Variants in CHRNA9 observed in about 807,000 individuals in gnomAD.
CHRNA9 encodes cholinergic receptor nicotinic alpha 9 subunit.
A neutral mutation model predicts 36.8 loss-of-function variants in CHRNA9; 24 were observed. That is an observed-to-expected ratio of 0.65 (90% CI 0.47 to 0.92). The LOEUF (loss-of-function observed/expected upper bound fraction) is 0.92. CHRNA9 is among the 40% of genes least tolerant of loss of function. The pLI, the probability that CHRNA9 is intolerant of heterozygous loss-of-function variation, is 0.00. For missense variants in CHRNA9, 610 were observed against 601.2 expected, an observed-to-expected ratio of 1.01 and a Z score of -0.15; for synonymous variants, 231 against 231.8, an observed-to-expected ratio of 1.00 and a Z score of 0.03.
chr4:40,353,207 A>T (rs912708984), intron 4 of CHRNA9, among the ~76,000 whole-genome samples: 9 of 152,294 alleles, frequency 5.9e-5, no homozygotes, highest in East Asian at 5.8e-4. Context: ...AGTCTATACT[A>T]TAGCCCGGCG....
At position 40,354,119 on chromosome 4, in the gene CHRNA9, A is replaced by G; in HGVS notation, c.1039A>G (p.Arg347Gly). The G allele has an allele frequency of 6.2e-7, 1 of 1,614,184 alleles. No individual in the cohort carries two copies. Among genetic ancestry groups the G allele is most frequent in the African/African-American group, 1.3e-5 (1 of 75,058 alleles). The change falls in exon 5 of 5, where the codon AGG becomes GGG. Residue 347 changes from arginine (R) to glycine (G), a missense_variant. Transcript: ENST00000310169. ...ARVVILKYMS[R>G]VLFVYDVGES... ...GGTGGTCATCCTGAAATACATGTCC[A>G]GGGTCTTGTTTGTCTATGATGTGGG...
Position 40,349,299 on chromosome 4 carries a change from C to T in CHRNA9, c.783C>T (p.Leu261=). The change falls in exon 4 of 5, where the codon CTC becomes CTT. Residue 261 remains leucine, a synonymous_variant. Coordinates refer to ENST00000310169, the MANE Select transcript of CHRNA9 (RefSeq NM_017581.4). ...TTCTGGCTCCTCTGAGTTTTTATCT[C>T]CCAGCAGCCTCCGGAGAAAAGGTCT... The part of the protein sequence containing the change: ...ISFLAPLSFY[L]PAASGEKVSL... 6.2e-7 allele frequency: 1 copy of T among 1,614,148 alleles called. No homozygotes were observed. Among genetic ancestry groups the T allele is most frequent in the Non-Finnish European group, 8.5e-7 (1 of 1,180,014 alleles).
rs767732495 is a variant in CHRNA9, at chr4:40,353,998, G to A, written c.918G>A (p.Thr306=). ...TTCCAGGTAAATACTACATAGCCAC[G>A]ATGGCCCTGATCACAGCCTCCACTG... ...VPLIGKYYIA[T]MALITASTAL... The change falls in exon 5 of 5, where the codon ACG becomes ACA. Residue 306 remains threonine (T), a synonymous_variant. Transcript: ENST00000310169. 9 of 1,606,488 alleles carry A rather than the reference G, an allele frequency of 5.6e-6. No individual in the cohort carries two copies. In the East Asian group the frequency reaches 8.9e-5, roughly 16 times the overall value.
intron 4 of CHRNA9, among the ~76,000 whole-genome samples, chr4:40,351,340 A>AAG (rs1553869950): frequency 6.6e-6 from 1 of 151,098 alleles, no homozygotes. Flanking sequence ...TCAAAAAAAA[A>AAG]AAATTGAAAA....
chr4:40,354,246 A>T lies in CHRNA9; in HGVS notation c.1166A>T (p.Asp389Val), dbSNP rs140958574. 4.3e-6 allele frequency: 7 copies of T among 1,614,068 alleles called. No homozygotes were observed. The highest frequency in any genetic ancestry group is 5.9e-6 in the Non-Finnish European group (7 of 1,180,036). ...AACCTGAAAGCAGCCAGGAACAAAGACCTTTCCAGAAAGAAGGACATGAAC... is the reference window on the plus strand; with the variant it reads ...AACCTGAAAGCAGCCAGGAACAAAGTCCTTTCCAGAAAGAAGGACATGAAC... ...ESNLKAARNK[D>V]LSRKKDMNKR... Residue 389 changes from aspartate to valine, a missense_variant, in exon 5 of 5, where the codon GAC becomes GTC. Transcript: ENST00000310169.
chr4:40,349,695 G>A (rs1215029306), intron 4 of CHRNA9: 1 of 339,960 alleles, frequency 2.9e-6, no homozygotes, highest in Non-Finnish European at 5.4e-6. Context: ...CAGATGCACA[G>A]CATCGGCATC....
In CHRNA9 at chr4:40,354,300, A is replaced by C; in HGVS notation, c.1220A>C (p.Gln407Pro). The change falls in exon 5 of 5, where the codon CAG becomes CCG. Residue 407 changes from glutamine to proline, a missense_variant. By Grantham distance (76) the Gln-to-Pro change is moderately conservative. Transcript: ENST00000310169. ...CGCTTAAAGAACGACCTGGGCTGCCAGGGTAAGAACCCTCAGGAGGCCGAG... is the reference window on the plus strand; with the variant it reads ...CGCTTAAAGAACGACCTGGGCTGCCCGGGTAAGAACCCTCAGGAGGCCGAG... Reference protein sequence around the residue: ...NKRLKNDLGCQGKNPQEAESY... With the variant: ...NKRLKNDLGCPGKNPQEAESY... 6.2e-7 allele frequency: 1 copy of C among 1,614,208 alleles called. No homozygotes were observed. Among genetic ancestry groups the C allele is most frequent in the Non-Finnish European group, 8.5e-7 (1 of 1,180,022 alleles).
rs567084091 is a variant in CHRNA9, at chr4:40,351,407, C to T, written c.898+1993C>T. On this transcript the variant is annotated intron_variant, in intron 4 of 4. Transcript: ENST00000310169. ...GCTAGGCTGGTCTTGAACTCCTGGGCTCAAGTGATCCTCCCACCTCAGCCT... is the reference window on the plus strand; with the variant it reads ...GCTAGGCTGGTCTTGAACTCCTGGGTTCAAGTGATCCTCCCACCTCAGCCT... Among the ~76,000 whole-genome samples, 4 of 151,882 alleles carry T rather than the reference C, an allele frequency of 2.6e-5. No individual in the cohort carries two copies. The East Asian group carries it at 7.8e-4, about 30-fold the overall frequency.
chr4:40,340,811 A>G (rs992819814), intron 3 of CHRNA9, among the ~76,000 whole-genome samples: 4 of 152,070 alleles, frequency 2.6e-5, no homozygotes, highest in African/African-American at 9.7e-5. Flanking sequence ...AGAACAGTTG[A>G]ATTTGCTGAT....
rs75897544 is a variant in CHRNA9, at chr4:40,341,439, G to C, written c.365+4075G>C. Among the ~76,000 whole-genome samples the C allele has an allele frequency of 4.0e-3, 605 of 152,216 alleles. 7 individuals carry two copies. Among genetic ancestry groups the C allele is most frequent in the African/African-American group, 0.014 (580 of 41,528 alleles). ...CTGGAGACAGGGAGCCTTCACTTCA[G>C]CTTCCAACTCGTCACAGACCAAGTC... On this transcript the variant is annotated intron_variant, in intron 3 of 4. Coordinates refer to ENST00000310169, the MANE Select transcript of CHRNA9 (RefSeq NM_017581.4).
chr4:40,335,712 G>T (rs1712296326), intron 1 of CHRNA9, 115 bp from the exon 2 acceptor site: 10 of 1,151,890 alleles, frequency 8.7e-6, no homozygotes, highest in Middle Eastern at 2.3e-4. Context: ...TCCACCCAAA[G>T]CTTGTCCCTC....
intron 3 of CHRNA9, among the ~76,000 whole-genome samples, chr4:40,346,238 G>A (rs1712635007): frequency 6.6e-6 from 1 of 152,216 alleles, no homozygotes; most frequent in Non-Finnish European, 1.5e-5. Flanking sequence ...TCGGCTGGAT[G>A]TGTGCCCTGA....
In CHRNA9 at chr4:40,349,231, T is replaced by C. The variant is rs56205779; in HGVS notation, c.715T>C (p.Phe239Leu). The change falls in exon 4 of 5, where the codon TTC (phenylalanine) becomes CTC (leucine). Residue 239 changes from phenylalanine to leucine, a missense_variant. Coordinates refer to ENST00000310169, the MANE Select transcript of CHRNA9 (RefSeq NM_017581.4). ...FTLLLKRRSS[F>L]YIVNLLIPCV... ...CCTCCTTCTGAAGAGGAGGTCCTCGTTCTATATCGTCAACCTCCTCATCCC... is the reference window on the plus strand; with the variant it reads ...CCTCCTTCTGAAGAGGAGGTCCTCGCTCTATATCGTCAACCTCCTCATCCC... 3 of 1,614,182 alleles carry C rather than the reference T, an allele frequency of 1.9e-6. No individual in the cohort carries two copies. The highest frequency in any genetic ancestry group is 2.5e-6 in the Non-Finnish European group (3 of 1,180,018).
intron 3 of CHRNA9, among the ~76,000 whole-genome samples, chr4:40,344,798 A>G (rs577548093): frequency 6.6e-6 from 1 of 152,322 alleles, no homozygotes; most frequent in African/African-American, 2.4e-5. Context: ...CAATCTAATA[A>G]GCTATATATG....
chr4:40,339,662 C>CAAAA (rs756343215), intron 3 of CHRNA9, among the ~76,000 whole-genome samples: 9,314 of 93,684 alleles, frequency 0.099, 908 homozygotes, highest in African/African-American at 0.27. Flanking sequence ...GACTCTATCT[C>CAAAA]AAAAAAAAAA....
chr4:40,349,699 C>T (rs867167659), intron 4 of CHRNA9: 14 of 332,582 alleles, frequency 4.2e-5, no homozygotes, highest in African/African-American at 2.1e-4. Flanking sequence ...TGCACAGCAT[C>T]GGCATCCCCT....
At position 40,349,156 on chromosome 4, in the gene CHRNA9, G is replaced by A. The variant is rs913825075; in HGVS notation, c.640G>A (p.Val214Met). 6.2e-7 allele frequency: 1 copy of A among 1,614,198 alleles called. No homozygotes were observed. Among genetic ancestry groups the A allele is most frequent in the East Asian group, 2.2e-5 (1 of 44,886 alleles). ...CCATGGCATGCCCGCTGTGAAGAAT[G>A]TGATCTCCTATGGCTGCTGCTCTGA... ...EVHGMPAVKN[V>M]ISYGCCSEPY... Residue 214 changes from valine (V) to methionine (M), a missense_variant, in exon 4 of 5, where the codon GTG (valine) becomes ATG (methionine). Coordinates refer to ENST00000310169, the MANE Select transcript of CHRNA9 (RefSeq NM_017581.4).
At position 40,354,540 on chromosome 4, in the gene CHRNA9, T is replaced by C. The variant is rs1490241730; in HGVS notation, c.*20T>C. The C allele has an allele frequency of 1.3e-6, 2 of 1,565,990 alleles. No homozygotes were observed. The highest frequency in any genetic ancestry group is 1.7e-5 in the Admixed American group (1 of 57,654). On this transcript the variant is annotated 3_prime_UTR_variant, in exon 5 of 5. Coordinates refer to ENST00000310169, the MANE Select transcript of CHRNA9 (RefSeq NM_017581.4). Reference sequence around the variant, plus strand: ...GATTAGTCACAGATATTGGCTTTGCTATCTGGGTAGAAATTAATACAATTC... The same window carrying C: ...GATTAGTCACAGATATTGGCTTTGCCATCTGGGTAGAAATTAATACAATTC...
At chr4:40,335,698 TCCATCCAC>T (rs1316921062) in intron 1 of CHRNA9, 121 bp from the exon 2 acceptor site, 3 of 1,054,378 alleles carry the variant, frequency 2.8e-6, no homozygotes, top group Non-Finnish European at 2.9e-6. Flanking sequence ...AAACAACTCA[TCCATCCAC>T]CCAAAGCTTG....
Sources: allele counts gnomAD v4.1 joint callset (sites outside exome capture counted in the v4.1 genomes callset), GRCh38; gene constraint gnomAD v4.1.1; transcripts MANE v1.5; gene names NCBI Gene and HGNC (gene_info 2026-07-23, HGNC 2026-07-21).